The following SYN3 variants were observed in gnomAD, a reference collection of about 807,000 sequenced individuals.
SYN3 encodes synapsin III, also known as synapsin-3.
Under a neutral mutation model 65.8 loss-of-function variants are expected in SYN3, and 35 were observed. The ratio of observed to expected loss-of-function variants is 0.53; its 90% CI spans 0.41 to 0.70. The LOEUF is 0.70. SYN3 is among the 30% of genes least tolerant of loss of function. SYN3 has a pLI of 0.00. For missense variants in SYN3, 680 were observed against 749.0 expected (o/e 0.91, Z 1.08); for synonymous variants, 270 against 292.9 (o/e 0.92, Z 0.80).
At chr22:32,873,014 G>A (rs551355058) in intron 4 of SYN3, among the ~76,000 whole-genome samples, 26 of 147,680 alleles carry the variant, frequency 1.8e-4, no homozygotes, top group Non-Finnish European at 3.3e-4. Context: ...GCAATGGTGT[G>A]ATCTTGGCTC....
At chr22:32,727,747 T>G (rs1280446700) in intron 6 of SYN3, among the ~76,000 whole-genome samples, 8 of 152,250 alleles carry the variant, frequency 5.3e-5, no homozygotes. Context: ...ATGTTGAGCT[T>G]TTTTGTGTTT....
At chr22:32,771,467 A>G (rs891845772) in intron 6 of SYN3, among the ~76,000 whole-genome samples, 3 of 152,226 alleles carry the variant, frequency 2.0e-5, no homozygotes, top group African/African-American at 7.2e-5. Context: ...GCTGGTGGAA[A>G]CAACACTTGG....
chr22:33,021,914 C>T (rs1338827326), intron 1 of SYN3, among the ~76,000 whole-genome samples: 1 of 151,988 alleles, frequency 6.6e-6, no homozygotes, highest in Non-Finnish European at 1.5e-5. Flanking sequence ...GTGCCTAGCA[C>T]ATAGTAGAGG....
intron 7 of SYN3, among the ~76,000 whole-genome samples, chr22:32,596,206 C>T (rs1429275237): frequency 6.6e-6 from 1 of 152,204 alleles, no homozygotes; most frequent in Non-Finnish European, 1.5e-5. Context: ...CCCAGCCATG[C>T]TTCCCATACA....
intron 6 of SYN3, among the ~76,000 whole-genome samples, chr22:32,658,358 G>C (rs2060171322): frequency 6.6e-6 from 1 of 152,254 alleles, no homozygotes; most frequent in African/African-American, 2.4e-5. Flanking sequence ...GGATGGGTGA[G>C]AGAAGCAAGT....
intron 2 of SYN3, among the ~76,000 whole-genome samples, chr22:32,992,237 G>C (rs899510866): frequency 2.0e-5 from 3 of 152,228 alleles, no homozygotes; most frequent in African/African-American, 7.2e-5. Context: ...CCTTTTAAAG[G>C]CTTGCAGCCT....
chr22:32,814,210 CAA>C (rs2047005188), intron 6 of SYN3, among the ~76,000 whole-genome samples: 1 of 52,312 alleles, frequency 1.9e-5, no homozygotes, highest in Admixed American at 1.9e-4. Flanking sequence ...AGAAAGAAAA[CAA>C]AGAAAGGAAA....
intron 4 of SYN3, among the ~76,000 whole-genome samples, chr22:32,913,189 C>G (rs188417166): frequency 2.0e-5 from 3 of 149,158 alleles, no homozygotes; most frequent in Non-Finnish European, 3.0e-5. Flanking sequence ...GAGATGGAGT[C>G]TCGCTCTGTC....
chr22:32,556,815 T>TTTG (rs2058507476), intron 7 of SYN3, among the ~76,000 whole-genome samples: 1 of 121,974 alleles, frequency 8.2e-6, no homozygotes, highest in East Asian at 2.5e-4. Context: ...TTTTTTTTTT[T>TTTG]TTTTTTTTTT....
intron 6 of SYN3, among the ~76,000 whole-genome samples, chr22:32,753,716 C>T (rs552460332): frequency 6.6e-6 from 1 of 152,382 alleles, no homozygotes; most frequent in South Asian, 2.1e-4. Flanking sequence ...TGCCTTTCAT[C>T]AATCCCTCCT....
chr22:32,584,640 A>G (rs1406341576), intron 7 of SYN3, among the ~76,000 whole-genome samples: 2 of 152,204 alleles, frequency 1.3e-5, no homozygotes, highest in African/African-American at 4.8e-5. Context: ...CAGACAATTT[A>G]TTTCTTCCAA....
At chr22:32,894,917 G>A (rs1301616481) in intron 4 of SYN3, among the ~76,000 whole-genome samples, 1 of 152,130 alleles carries the variant, frequency 6.6e-6, no homozygotes, top group African/African-American at 2.4e-5. Context: ...AATATTTCAG[G>A]TTTCTAGAAA....
At chr22:32,595,618 G>T (rs1190131751) in intron 7 of SYN3, among the ~76,000 whole-genome samples, 1 of 152,152 alleles carries the variant, frequency 6.6e-6, no homozygotes, top group African/African-American at 2.4e-5. Context: ...TACAGTGATT[G>T]ATATGGTTTG....
At chr22:32,616,579 A>G (rs1419484896) in intron 6 of SYN3, among the ~76,000 whole-genome samples, 2 of 152,094 alleles carry the variant, frequency 1.3e-5, no homozygotes, top group Non-Finnish European at 2.9e-5. Flanking sequence ...GACTCAATTC[A>G]ATAGCTTGTC....
intron 6 of SYN3, among the ~76,000 whole-genome samples, chr22:32,616,640 G>C (rs1438676865): frequency 6.7e-6 from 1 of 150,240 alleles, no homozygotes; most frequent in Non-Finnish European, 1.5e-5. Context: ...TCGCCTCTCT[G>C]GGGGACACAG....
At chr22:32,653,968 A>T (rs532469275) in intron 6 of SYN3, among the ~76,000 whole-genome samples, 2 of 152,326 alleles carry the variant, frequency 1.3e-5, no homozygotes, top group Admixed American at 1.3e-4. Context: ...CCACTGCACC[A>T]TTAGTTCCTG....
At chr22:32,610,271 A>C (rs1437119533) in intron 6 of SYN3, among the ~76,000 whole-genome samples, 3 of 151,566 alleles carry the variant, frequency 2.0e-5, no homozygotes, top group African/African-American at 7.3e-5. Flanking sequence ...ACAGATCAAG[A>C]TTCTGTCCCC....
At chr22:32,797,654 C>T (rs986026975) in intron 6 of SYN3, among the ~76,000 whole-genome samples, 4 of 152,216 alleles carry the variant, frequency 2.6e-5, no homozygotes, top group African/African-American at 7.2e-5. Flanking sequence ...TTTGGCATCA[C>T]AATCTTCTCT....
chr22:32,831,992 C>T (rs1430240367), intron 6 of SYN3, among the ~76,000 whole-genome samples: 1 of 152,164 alleles, frequency 6.6e-6, no homozygotes, highest in Non-Finnish European at 1.5e-5. Flanking sequence ...GGCATTGTTA[C>T]AGATCAGCAA....
Sources: allele counts gnomAD v4.1 joint callset (sites outside exome capture counted in the v4.1 genomes callset), GRCh38; gene constraint gnomAD v4.1.1; transcripts MANE v1.5; gene names NCBI Gene and HGNC (gene_info 2026-07-23, HGNC 2026-07-21).